Variants in MARCHF1 observed in about 807,000 individuals in gnomAD.
MARCHF1 encodes membrane associated ring-CH-type finger 1.
In MARCHF1, 40 loss-of-function variants were observed where a neutral mutation model predicts 54.2. The observed-to-expected ratio is 0.74, with a 90% CI of 0.57 to 0.96. The LOEUF (loss-of-function observed/expected upper bound fraction) is 0.96. Among genes scored for constraint, MARCHF1 ranks in the 40% least tolerant of loss-of-function variants. MARCHF1 has a pLI of 0.00. For missense variants in MARCHF1, 586 were observed against 656.5 expected, an observed-to-expected ratio of 0.89 and a Z score of 1.17; for synonymous variants, 236 against 236.3, an observed-to-expected ratio of 1.00 and a Z score of 0.01.
chr4:163,788,028 C>T (rs1747670103), intron 4 of MARCHF1, among the ~76,000 whole-genome samples: 1 of 151,650 alleles, frequency 6.6e-6, no homozygotes, highest in Non-Finnish European at 1.5e-5. Context: ...GAAAATTATG[C>T]AAACAGAAAA....
chr4:164,220,193 CAT>C (rs1336661898), intron 1 of MARCHF1, among the ~76,000 whole-genome samples: 1 of 149,084 alleles, frequency 6.7e-6, no homozygotes, highest in South Asian at 2.1e-4. Context: ...TATATATTTC[CAT>C]ATATGTGTAT....
intron 5 of MARCHF1, among the ~76,000 whole-genome samples, chr4:163,646,102 TAGAG>T (rs1323896356): frequency 2.0e-5 from 3 of 149,606 alleles, no homozygotes; most frequent in Admixed American, 1.3e-4. Context: ...AAAGTTCTCA[TAGAG>T]AGAATCTTGA....
At chr4:163,895,448 G>A (rs1750784929) in intron 3 of MARCHF1, among the ~76,000 whole-genome samples, 1 of 152,112 alleles carries the variant, frequency 6.6e-6, no homozygotes, top group East Asian at 1.9e-4. Context: ...ATTTGTTATG[G>A]GAAGGTAACT....
chr4:164,181,582 G>A (rs1326761852), intron 1 of MARCHF1, among the ~76,000 whole-genome samples: 1 of 152,086 alleles, frequency 6.6e-6, no homozygotes, highest in Non-Finnish European at 1.5e-5. Context: ...ACCATTCCAA[G>A]TTATTTATTT....
chr4:163,700,973 T>C, intron 4 of MARCHF1, 110 bp from the exon 5 acceptor site: 1 of 731,134 alleles, frequency 1.4e-6, no homozygotes, highest in Non-Finnish European at 2.3e-6. Flanking sequence ...ATGCTCTCTA[T>C]ATTGTTTTGA....
At chr4:163,710,410 A>T (rs945504917) in intron 4 of MARCHF1, among the ~76,000 whole-genome samples, 1 of 152,180 alleles carries the variant, frequency 6.6e-6, no homozygotes, top group Admixed American at 6.5e-5. Flanking sequence ...CACGACCATG[A>T]ATATGAGTTG....
chr4:164,021,865 A>ATT (rs1259494279), intron 2 of MARCHF1, among the ~76,000 whole-genome samples: 17 of 148,060 alleles, frequency 1.1e-4, no homozygotes, highest in South Asian at 8.8e-4. Flanking sequence ...AAAAAAAAAA[A>ATT]ATTATATATA....
rs757423783 is a variant in MARCHF1, at chr4:163,613,292, A to T, written c.242+22T>A. The T allele has an allele frequency of 2.5e-6, 4 of 1,587,860 alleles. No homozygotes were observed. In the East Asian group the frequency reaches 9.0e-5, roughly 36 times the overall value. ...ATATTGATCCAAAGAATATAGATTAAGATAATTTGTTCAGCACTTACCTGC... is the reference window on the plus strand; with the variant it reads ...ATATTGATCCAAAGAATATAGATTATGATAATTTGTTCAGCACTTACCTGC... On this transcript the variant is annotated intron_variant, in intron 6 of 9. Coordinates refer to ENST00000514618, the MANE Select transcript of MARCHF1 (RefSeq NM_001394959.1).
At chr4:164,004,682 A>T (rs1753251343) in intron 2 of MARCHF1, among the ~76,000 whole-genome samples, 1 of 152,056 alleles carries the variant, frequency 6.6e-6, no homozygotes, top group East Asian at 1.9e-4. Flanking sequence ...GAAATCACTA[A>T]CAAAAAAGTC....
intron 4 of MARCHF1, among the ~76,000 whole-genome samples, chr4:163,811,812 A>C (rs529993954): frequency 6.6e-6 from 1 of 152,188 alleles, no homozygotes; most frequent in Non-Finnish European, 1.5e-5. Context: ...CAACAACTTA[A>C]TAGAGCTCAG....
At chr4:163,844,945 T>C (rs1749443536) in intron 4 of MARCHF1, among the ~76,000 whole-genome samples, 1 of 152,202 alleles carries the variant, frequency 6.6e-6, no homozygotes, top group African/African-American at 2.4e-5. Flanking sequence ...ATCAACTATT[T>C]ACATGAAGAA....
At position 163,870,590 on chromosome 4, in the gene MARCHF1, C is replaced by T. The variant is rs11933962; in HGVS notation, c.-38-16421G>A. Among the ~76,000 whole-genome samples the T allele has an allele frequency of 2.6e-3, 398 of 152,142 alleles. 5 individuals carry two copies. Among genetic ancestry groups the T allele is most frequent in the African/African-American group, 9.1e-3 (379 of 41,548 alleles). ...ATGGTAAAGCAAAGTGGGATGAATTCAGGGAAACTGTCAGTCTAGAGATGC... is the reference window on the plus strand; with the variant it reads ...ATGGTAAAGCAAAGTGGGATGAATTTAGGGAAACTGTCAGTCTAGAGATGC... On this transcript the variant is annotated intron_variant, in intron 3 of 9. Transcript: ENST00000514618.
chr4:163,648,505 T>C (rs756399906), intron 5 of MARCHF1, among the ~76,000 whole-genome samples: 6 of 151,984 alleles, frequency 3.9e-5, no homozygotes, highest in Non-Finnish European at 5.9e-5. Flanking sequence ...TAAGCATTTT[T>C]GCCTCTCTTC....
At chr4:163,764,248 GA>G (rs1204560905) in intron 4 of MARCHF1, among the ~76,000 whole-genome samples, 1 of 151,970 alleles carries the variant, frequency 6.6e-6, no homozygotes, top group African/African-American at 2.4e-5. Context: ...GGAAAAAGAG[GA>G]AATTAGTATG....
intron 4 of MARCHF1, among the ~76,000 whole-genome samples, chr4:163,771,322 G>C (rs1405529315): frequency 2.0e-5 from 3 of 152,132 alleles, no homozygotes; most frequent in Non-Finnish European, 4.4e-5. Context: ...ATAGTGCTGA[G>C]GTTGAGAAAG....
intron 1 of MARCHF1, among the ~76,000 whole-genome samples, chr4:164,308,026 T>C (rs1179736491): frequency 6.6e-6 from 1 of 152,208 alleles, no homozygotes; most frequent in Non-Finnish European, 1.5e-5. Flanking sequence ...GAATCTTTCA[T>C]ATCTGCCAGA....
chr4:163,588,182 C>T (rs1019004059), intron 7 of MARCHF1, among the ~76,000 whole-genome samples: 1 of 152,154 alleles, frequency 6.6e-6, no homozygotes, highest in Non-Finnish European at 1.5e-5. Flanking sequence ...TGTCCCCTTC[C>T]CCCTGAACTG....
chr4:163,553,970 C>A (rs541808226), intron 8 of MARCHF1, among the ~76,000 whole-genome samples: 2 of 152,276 alleles, frequency 1.3e-5, no homozygotes, highest in Admixed American at 1.3e-4. Flanking sequence ...AAAGCTAATT[C>A]ACTTGGATTT....
At position 164,282,888 on chromosome 4, in the gene MARCHF1, A is replaced by G. The variant is rs954284612; in HGVS notation, c.-323+100982T>C. 1.3e-5 allele frequency among the ~76,000 whole-genome samples: 2 copies of G among 151,270 alleles called. 1 individual carries two copies. The highest frequency in any genetic ancestry group is 1.3e-4 in the Admixed American group (2 of 14,938). On this transcript the variant is annotated intron_variant, in intron 1 of 9. Coordinates refer to ENST00000514618, the MANE Select transcript of MARCHF1 (RefSeq NM_001394959.1). ...TCTTTGAAACCAATGACATTAGAAG[A>G]AAGGAGATCCAGTATATCTATCAAG...
Sources: gnomAD v4.1 joint callset for allele counts (sites outside exome capture counted in the v4.1 genomes callset) on GRCh38, gnomAD v4.1.1 for gene constraint, MANE v1.5 for transcripts, NCBI Gene and HGNC (gene_info 2026-07-23, HGNC 2026-07-21) for gene names.